Variants in DST observed in about 807,000 individuals in gnomAD.
DST encodes the protein dystonin.
DST carries 253 observed loss-of-function variants against 875.2 expected under a neutral mutation model. The observed-to-expected ratio is 0.29, with a 90% confidence interval of 0.26 to 0.32. The LOEUF is 0.32. Among genes scored for constraint, DST ranks in the 10% least tolerant of loss-of-function variants. The probability of loss-of-function intolerance (pLI) is 1.00; values close to 1 mark genes in which losing one functional copy is unlikely to be tolerated. For synonymous variants in DST, 3,124 were observed against 3,197.1 expected (o/e 0.98, Z 0.77); for missense variants, 8,287 against 9,111.6 (o/e 0.91, Z 3.68).
chr6:56,477,969 T>C (rs982290106), intron 90 of DST, among the ~76,000 whole-genome samples: 4 of 152,244 alleles, frequency 2.6e-5, no homozygotes, highest in Non-Finnish European at 5.9e-5. Flanking sequence ...ATTTTATTTT[T>C]GAATATTTTT....
intron 50 of DST, among the ~76,000 whole-genome samples, chr6:56,574,186 A>G (rs2097826651): frequency 6.6e-6 from 1 of 152,166 alleles, no homozygotes; most frequent in Non-Finnish European, 1.5e-5. Flanking sequence ...ACAGAGAGAC[A>G]AAAGAGTAGT....
Position 56,555,856 on chromosome 6 carries a change from TAAAC to T in DST, c.14641-20_14641-17del. 1 of 1,471,348 alleles carries T rather than the reference TAAAC, an allele frequency of 6.8e-7. No homozygotes were observed. Among genetic ancestry groups the T allele is most frequent in the Non-Finnish European group, 9.0e-7 (1 of 1,108,886 alleles). The allele number at this position is 1,471,348 out of a possible 1,614,324, so 91.1% of individuals were successfully genotyped here. On this transcript the variant is annotated splice_polypyrimidine_tract_variant and intron_variant, in intron 59 of 103. Coordinates refer to ENST00000680361, the MANE Select transcript of DST (RefSeq NM_001374736.1). ...GCAGCAAAATCTAAGGTAACAAGGG[TAAAC>T]AAACGCAAATTATTATATAATTGAT...
intron 98 of DST, among the ~76,000 whole-genome samples, chr6:56,467,633 T>A (rs1014196294): frequency 6.6e-6 from 1 of 152,152 alleles, no homozygotes; most frequent in Non-Finnish European, 1.5e-5. Flanking sequence ...TGGGACTAGA[T>A]GATTTTGGTT....
chr6:56,494,235 T>TA lies in DST; in HGVS notation c.20224-56_20224-55insT. 2.0e-6 allele frequency: 3 copies of TA among 1,504,806 alleles called. No individual in the cohort carries two copies. In the Admixed American group the frequency reaches 6.1e-5, roughly 31 times the overall value. The allele number at this position is 1,504,806 out of a possible 1,614,324, so 93.2% of individuals were successfully genotyped here. A position where few individuals can be genotyped will look rare whatever the true frequency, so the allele number is the denominator to read the frequency against. On this transcript the variant is annotated intron_variant, in intron 82 of 103. Coordinates refer to ENST00000680361, the MANE Select transcript of DST (RefSeq NM_001374736.1). ...CTTTAAGAAAGTAAAATTTAAGAGT[T>TA]CTATTTTTCTAGGTCATCAGTCCCA... is the stretch of plus-strand genomic sequence containing the variant.
chr6:56,783,226 G>C (rs1026669403), intron 4 of DST, among the ~76,000 whole-genome samples: 10 of 152,210 alleles, frequency 6.6e-5, no homozygotes, highest in Non-Finnish European at 1.3e-4. Context: ...GAGTTCTGTA[G>C]ATGTCTATTA....
At chr6:56,571,338 C>G in intron 53 of DST, among the ~76,000 whole-genome samples, 1 of 152,200 alleles carries the variant, frequency 6.6e-6, no homozygotes, top group Non-Finnish European at 1.5e-5. Flanking sequence ...AAGAACATTT[C>G]TTCTACGCAA....
chr6:56,465,097 G>A (rs747684361), intron 99 of DST, among the ~76,000 whole-genome samples: 7 of 152,008 alleles, frequency 4.6e-5, no homozygotes, highest in Non-Finnish European at 8.8e-5. Flanking sequence ...TACTTCTCTC[G>A]CAGGTGTGTC....
In DST at chr6:56,703,310, C is replaced by T. The variant is rs78357962; in HGVS notation, c.876+338G>A. ...CTTCCAGAAACTGAATGAATTTGCA[C>T]AAAAATTAGCAGACTTGTAAAATTT... On this transcript the variant is annotated intron_variant, in intron 7 of 103. Coordinates refer to ENST00000680361, the MANE Select transcript of DST (RefSeq NM_001374736.1). Among the ~76,000 whole-genome samples, 77 of 152,142 alleles carry T rather than the reference C, an allele frequency of 5.1e-4. 1 individual carries two copies. In the East Asian group the frequency reaches 0.014, roughly 27 times the overall value.
intron 2 of DST, among the ~76,000 whole-genome samples, chr6:56,918,671 A>AG (rs1216053016): frequency 1.3e-5 from 2 of 152,204 alleles, no homozygotes; most frequent in Admixed American, 6.5e-5. Flanking sequence ...ACACTATGAA[A>AG]GTGCCTTTTT....
In DST at chr6:56,635,725, A is replaced by C; in HGVS notation, c.3061-11T>G. The C allele has an allele frequency of 6.2e-7, 1 of 1,613,356 alleles. No homozygotes were observed. The highest frequency in any genetic ancestry group is 8.5e-7 in the Non-Finnish European group (1 of 1,179,792). On this transcript the variant is annotated splice_polypyrimidine_tract_variant and intron_variant, in intron 23 of 103. Transcript: ENST00000680361. ...GGCATCATTGAAAAACTAAGGAAAG[A>C]TGAAACCTGGAAGTTAAAGTATGTT...
intron 3 of DST, among the ~76,000 whole-genome samples, chr6:56,882,931 ATC>A (rs1233835208): frequency 6.6e-6 from 1 of 152,148 alleles, no homozygotes; most frequent in Non-Finnish European, 1.5e-5. Flanking sequence ...AGGTGGCATG[ATC>A]TCAGCTCACT....
chr6:56,904,468 G>C (rs1184761790), intron 2 of DST, among the ~76,000 whole-genome samples: 1 of 152,138 alleles, frequency 6.6e-6, no homozygotes, highest in Non-Finnish European at 1.5e-5. Context: ...GTTTAAATGA[G>C]ATAATCCACA....
chr6:56,595,536 A>G (rs867228705), intron 47 of DST, among the ~76,000 whole-genome samples: 25 of 151,434 alleles, frequency 1.7e-4, no homozygotes, highest in African/African-American at 5.9e-4. Context: ...CAGTGCTGGC[A>G]CACAGGAGCT....
chr6:56,668,372 T>C (rs568082568), intron 10 of DST, among the ~76,000 whole-genome samples: 3 of 152,238 alleles, frequency 2.0e-5, no homozygotes, highest in African/African-American at 7.2e-5. Flanking sequence ...TTCAGCAACC[T>C]ACACCCACCT....
chr6:56,861,347 A>G (rs16888184), intron 3 of DST, among the ~76,000 whole-genome samples: 28,782 of 152,152 alleles, frequency 0.19, 3,153 homozygotes, highest in African/African-American at 0.27. Flanking sequence ...AGCTGCACCC[A>G]ATCGGAACCA....
intron 30 of DST, 147 bp downstream of exon 30, chr6:56,631,064 T>G: frequency 3.7e-6 from 1 of 271,908 alleles, no homozygotes. Flanking sequence ...ATTACCGGCA[T>G]GAGCCACCAC....
Position 56,607,982 on chromosome 6 carries a change from C to T in DST, c.6646G>A (p.Gly2216Arg), listed in dbSNP as rs761792865. The T allele has an allele frequency of 2.5e-6, 4 of 1,613,388 alleles. No individual in the cohort carries two copies. In the Admixed American group the frequency reaches 5.0e-5, roughly 20 times the overall value. Residue 2216 changes from glycine (G) to arginine (R), a missense_variant, in exon 40 of 104, where the codon GGG becomes AGG. Coordinates refer to ENST00000680361, the MANE Select transcript of DST (RefSeq NM_001374736.1). ...MINSYMDANTGQRLLLYDGDL... is the reference protein window; with the variant it reads ...MINSYMDANTRQRLLLYDGDL... ...CCATCGTACAGCAAAAGCCTTTGCC[C>T]TGTGTTTGCATCCATATAGCTATTT... is the stretch of plus-strand genomic sequence containing the variant.
chr6:56,630,279 T>C lies in DST; in HGVS notation c.4247A>G (p.Lys1416Arg), dbSNP rs747660569. The change falls in exon 31 of 104, where the codon AAG becomes AGG. Residue 1416 changes from lysine to arginine, a missense_variant. Lys to Arg is a conservative substitution (Grantham distance 26). Around this residue, in one of 10 missense-constraint regions of DST, gnomAD observed 3,138 missense variants for 3,116.6 expected, o/e 1.01. Coordinates refer to ENST00000680361, the MANE Select transcript of DST (RefSeq NM_001374736.1). ...LCEEEAVIAD[K>R]NNIENLISTL... ...ACTTATTAGATTCTCAATATTATTC[T>C]TGTCAGCTATAACTGCTTCTTCTTC... 1 of 1,606,352 alleles carries C rather than the reference T, an allele frequency of 6.2e-7. No individual in the cohort carries two copies. The highest frequency in any genetic ancestry group is 2.2e-5 in the East Asian group (1 of 44,800).
Position 56,552,635 on chromosome 6 carries a change from T to A in DST, c.16157A>T (p.His5386Leu), listed in dbSNP as rs1035684871. The change falls in exon 61 of 104, where the codon CAT becomes CTT. Residue 5386 changes from histidine (H) to leucine (L), a missense_variant. Transcript: ENST00000680361. ...FLETKLQGIGHFQNTIREMFS... is the reference protein window; with the variant it reads ...FLETKLQGIGLFQNTIREMFS... ...CATTTCTCGAATGGTATTCTGGAAATGCCCAATGCCCTGAAGCTTGGTTTC... is the reference window on the plus strand; with the variant it reads ...CATTTCTCGAATGGTATTCTGGAAAAGCCCAATGCCCTGAAGCTTGGTTTC... 6.2e-7 allele frequency: 1 copy of A among 1,613,978 alleles called. No homozygotes were observed. The highest frequency in any genetic ancestry group is 1.7e-5 in the Admixed American group (1 of 60,012).
Sources: allele counts gnomAD v4.1 joint callset (sites outside exome capture counted in the v4.1 genomes callset), GRCh38; gene constraint gnomAD v4.1.1; regional missense constraint gnomAD v4.1.1; transcripts MANE v1.5; gene names NCBI Gene and HGNC (gene_info 2026-07-23, HGNC 2026-07-21).